ST6GALNAC3: variants seen among roughly 807,000 people sequenced by gnomAD.
The protein encoded by ST6GALNAC3 is alpha-N-acetylgalactosaminide alpha-2,6-sialyltransferase 3.
In ST6GALNAC3, 25 loss-of-function variants were observed where a neutral mutation model predicts 32.7. The observed-to-expected ratio is 0.76, with a 90% CI of 0.56 to 1.07. ST6GALNAC3 has a LOEUF of 1.07. Among genes scored for constraint, ST6GALNAC3 ranks in the 50% least tolerant of loss-of-function variants. The pLI, the probability that ST6GALNAC3 is intolerant of heterozygous loss-of-function variation, is 0.00. For synonymous variants in ST6GALNAC3, 129 were observed against 133.1 expected (o/e 0.97, Z 0.21); for missense variants, 355 against 382.4 (o/e 0.93, Z 0.60).
intron 3 of ST6GALNAC3, among the ~76,000 whole-genome samples, chr1:76,563,184 A>G (rs1348487331): frequency 2.6e-5 from 4 of 152,230 alleles, no homozygotes; most frequent in Non-Finnish European, 5.9e-5. Context: ...AGAATGGGAA[A>G]TCAATCAGTT....
At chr1:76,235,373 G>A (rs1656593179) in intron 1 of ST6GALNAC3, among the ~76,000 whole-genome samples, 1 of 151,992 alleles carries the variant, frequency 6.6e-6, no homozygotes, top group Non-Finnish European at 1.5e-5. Context: ...CACGCGTGGT[G>A]GTGCCTGCCT....
At chr1:76,266,738 G>T (rs1028507082) in intron 1 of ST6GALNAC3, among the ~76,000 whole-genome samples, 11 of 152,102 alleles carry the variant, frequency 7.2e-5, no homozygotes, top group Non-Finnish European at 1.3e-4. Context: ...GATTATGCCA[G>T]CCACCGACTG....
chr1:76,316,501 A>G lies in ST6GALNAC3; in HGVS notation c.213+2502A>G, dbSNP rs549968839. Among the ~76,000 whole-genome samples the G allele has an allele frequency of 1.4e-3, 212 of 152,266 alleles. 1 individual carries two copies. The highest frequency in any genetic ancestry group is 5.0e-3 in the African/African-American group (206 of 41,564). ...CCACATGGAAGATAAAGCAAAGTAC[A>G]CAATGTGATTCCGTTTATGGGTCAC... On this transcript the variant is annotated intron_variant, in intron 2 of 4. Transcript: ENST00000328299.
At chr1:76,496,103 TAC>T (rs1278303793) in intron 3 of ST6GALNAC3, among the ~76,000 whole-genome samples, 1 of 152,188 alleles carries the variant, frequency 6.6e-6, no homozygotes, top group East Asian at 1.9e-4. Context: ...GGATGAGGCC[TAC>T]TTGGAGGTGA....
chr1:76,074,833 C>A lies in ST6GALNAC3; in HGVS notation c.-34C>A. 1 of 1,575,344 alleles carries A rather than the reference C, an allele frequency of 6.3e-7. No individual in the cohort carries two copies. Among genetic ancestry groups the A allele is most frequent in the East Asian group, 2.3e-5 (1 of 42,748 alleles). Reference sequence around the variant, plus strand: ...GGACTGCCCCTGACCCAGGCGCGCCCGCTGCTCGGTGGCAGGAGGGCCGGC... The same window carrying A: ...GGACTGCCCCTGACCCAGGCGCGCCAGCTGCTCGGTGGCAGGAGGGCCGGC... On this transcript the variant is annotated 5_prime_UTR_variant, in exon 1 of 5. Coordinates refer to ENST00000328299, the MANE Select transcript of ST6GALNAC3 (RefSeq NM_152996.4).
At chr1:76,582,321 G>A (rs1372581263) in intron 3 of ST6GALNAC3, among the ~76,000 whole-genome samples, 1 of 152,144 alleles carries the variant, frequency 6.6e-6, no homozygotes, top group Non-Finnish European at 1.5e-5. Flanking sequence ...ATGTGGCTTG[G>A]ATTTATAACA....
chr1:76,193,397 G>A (rs1433604532), intron 1 of ST6GALNAC3, among the ~76,000 whole-genome samples: 1 of 152,126 alleles, frequency 6.6e-6, no homozygotes, highest in Non-Finnish European at 1.5e-5. Context: ...ATTACCATAA[G>A]TACCAACTCA....
At chr1:76,600,883 T>TA (rs568960039) in intron 3 of ST6GALNAC3, among the ~76,000 whole-genome samples, 71 of 152,270 alleles carry the variant, frequency 4.7e-4, no homozygotes, top group African/African-American at 1.6e-3. Flanking sequence ...AGATGCCACC[T>TA]AAAAAATATT....
At chr1:76,627,350 T>C (rs1649030554) in intron 3 of ST6GALNAC3, 102 bp from the exon 4 acceptor site, 2 of 747,026 alleles carry the variant, frequency 2.7e-6, no homozygotes, top group South Asian at 3.3e-5. Context: ...ACAAGTGCTA[T>C]GTTTTTGATG....
intron 2 of ST6GALNAC3, among the ~76,000 whole-genome samples, chr1:76,350,382 C>A (rs1189635085): frequency 6.6e-6 from 1 of 152,036 alleles, no homozygotes; most frequent in African/African-American, 2.4e-5. Flanking sequence ...ATGCTTTTAT[C>A]TCCCTCACAA....
chr1:76,524,207 G>A (rs1374561378), intron 3 of ST6GALNAC3, among the ~76,000 whole-genome samples: 1 of 152,048 alleles, frequency 6.6e-6, no homozygotes. Context: ...TTACTGCTCT[G>A]CTCTTAGGAT....
intron 1 of ST6GALNAC3, among the ~76,000 whole-genome samples, chr1:76,278,877 AC>A (rs1362007147): frequency 1.3e-5 from 2 of 152,190 alleles, no homozygotes; most frequent in Non-Finnish European, 2.9e-5. Flanking sequence ...TGGATTTCAC[AC>A]CAAAATAGTT....
intron 1 of ST6GALNAC3, among the ~76,000 whole-genome samples, chr1:76,304,300 A>G (rs1660904004): frequency 6.6e-6 from 1 of 151,924 alleles, no homozygotes; most frequent in Non-Finnish European, 1.5e-5. Context: ...AGACAAAATT[A>G]AGGGGGAATC....
intron 1 of ST6GALNAC3, among the ~76,000 whole-genome samples, chr1:76,159,259 G>C (rs1409672325): frequency 6.6e-6 from 1 of 152,128 alleles, no homozygotes; most frequent in African/African-American, 2.4e-5. Context: ...CACGATCTTG[G>C]CTCACCACAA....
intron 1 of ST6GALNAC3, among the ~76,000 whole-genome samples, chr1:76,126,789 T>C (rs1649285145): frequency 6.6e-6 from 1 of 152,178 alleles, no homozygotes; most frequent in Non-Finnish European, 1.5e-5. Context: ...TGATTGTGCA[T>C]GTAAAGTGCC....
chr1:76,311,579 C>T (rs969635359), intron 1 of ST6GALNAC3, among the ~76,000 whole-genome samples: 1 of 152,236 alleles, frequency 6.6e-6, no homozygotes. Context: ...TGGTTTCCAG[C>T]TTCATCCATG....
At chr1:76,455,589 C>T (rs1173426868) in intron 3 of ST6GALNAC3, among the ~76,000 whole-genome samples, 3 of 152,156 alleles carry the variant, frequency 2.0e-5, no homozygotes, top group Admixed American at 6.5e-5. Flanking sequence ...GGGCTTTCAG[C>T]TACAAGTTGA....
chr1:76,549,986 A>G (rs1046124265), intron 3 of ST6GALNAC3, among the ~76,000 whole-genome samples: 29 of 152,254 alleles, frequency 1.9e-4, no homozygotes, highest in African/African-American at 6.7e-4. Flanking sequence ...GTTTTATAAA[A>G]ATTTGTGTCC....
intron 1 of ST6GALNAC3, among the ~76,000 whole-genome samples, chr1:76,223,659 T>A (rs1426711872): frequency 6.6e-6 from 1 of 152,200 alleles, no homozygotes; most frequent in Non-Finnish European, 1.5e-5. Context: ...GTCAAAGTAG[T>A]TAAGAACCTG....
Sources: allele counts gnomAD v4.1 joint callset (sites outside exome capture counted in the v4.1 genomes callset), GRCh38; gene constraint gnomAD v4.1.1; transcripts MANE v1.5; gene names NCBI Gene and HGNC (gene_info 2026-07-23, HGNC 2026-07-21).